LINGO2: variants seen among roughly 807,000 people sequenced by gnomAD.
LINGO2 encodes the protein leucine-rich repeat and immunoglobulin-like domain-containing nogo receptor-interacting protein 2.
In LINGO2, 14 loss-of-function variants were observed where a neutral mutation model predicts 30.6. That is an observed-to-expected ratio of 0.46 (90% confidence interval 0.30 to 0.72). The LOEUF is 0.72. Ranked by LOEUF, LINGO2 falls within the 30% of genes least tolerant of loss-of-function variation. The probability of loss-of-function intolerance (pLI) is 0.07; values close to 1 mark genes in which losing one functional copy is unlikely to be tolerated. For synonymous variants in LINGO2, 317 were observed against 288.5 expected, an observed-to-expected ratio of 1.10 and a Z score of -1.00; for missense variants, 729 against 751.7, an observed-to-expected ratio of 0.97 and a Z score of 0.35.
At chr9:29,158,547 CTCTCAA>C in the LINGO2 span, among the ~76,000 whole-genome samples, 1 of 149,266 alleles carries the variant, frequency 6.7e-6, no homozygotes, top group East Asian at 2.0e-4. Flanking sequence ...TTCTCCAAAG[CTCTCAA>C]GTCAATTTTC....
chr9:28,047,277 CCCT>C (rs1824467281), intron 4 of LINGO2, among the ~76,000 whole-genome samples: 1 of 152,186 alleles, frequency 6.6e-6, no homozygotes, highest in East Asian at 1.9e-4. Context: ...TCGGAGCTTG[CCCT>C]CCTTTTATGG....
At chr9:28,221,023 GA>G (rs1820938773) in intron 4 of LINGO2, among the ~76,000 whole-genome samples, 1 of 152,172 alleles carries the variant, frequency 6.6e-6, no homozygotes, top group Non-Finnish European at 1.5e-5. Context: ...AGATAGGCCG[GA>G]TGCGGTGGCT....
the LINGO2 span, among the ~76,000 whole-genome samples, chr9:28,830,266 A>G: frequency 3.9e-5 from 6 of 152,154 alleles, no homozygotes; most frequent in African/African-American, 1.4e-4. Flanking sequence ...GAGTCATGAA[A>G]GTTCATTCCG....
chr9:28,559,399 T>C (rs1822920143), intron 1 of LINGO2, among the ~76,000 whole-genome samples: 1 of 152,126 alleles, frequency 6.6e-6, no homozygotes, highest in African/African-American at 2.4e-5. Context: ...CAATGCATTT[T>C]GTTTTGTCTC....
chr9:29,032,689 G>A, the LINGO2 span, among the ~76,000 whole-genome samples: 1 of 152,050 alleles, frequency 6.6e-6, no homozygotes, highest in East Asian at 1.9e-4. Flanking sequence ...GCCAAAGCCT[G>A]TAGACCAAAA....
chr9:28,499,825 G>C (rs1448252457), intron 1 of LINGO2, among the ~76,000 whole-genome samples: 1 of 152,092 alleles, frequency 6.6e-6, no homozygotes, highest in Non-Finnish European at 1.5e-5. Context: ...ATTTCTCACA[G>C]GAAGCCTTTC....
At chr9:28,666,066 A>T (rs1828789085) in intron 1 of LINGO2, among the ~76,000 whole-genome samples, 1 of 151,742 alleles carries the variant, frequency 6.6e-6, no homozygotes. Flanking sequence ...TAATTTTTGT[A>T]TTTTTAGTAG....
At chr9:28,665,902 T>C (rs1828781232) in intron 1 of LINGO2, among the ~76,000 whole-genome samples, 1 of 151,514 alleles carries the variant, frequency 6.6e-6, no homozygotes. Flanking sequence ...TTTTTTTTTT[T>C]TTTTTTTGAG....
At chr9:28,222,883 G>GA (rs1301129969) in intron 4 of LINGO2, among the ~76,000 whole-genome samples, 6 of 152,186 alleles carry the variant, frequency 3.9e-5, no homozygotes, top group African/African-American at 1.4e-4. Flanking sequence ...ATTCACTGGG[G>GA]AGAGATAAGC....
intron 5 of LINGO2, among the ~76,000 whole-genome samples, chr9:27,977,789 AG>A (rs201325867): frequency 3.3e-4 from 50 of 151,336 alleles, no homozygotes; most frequent in South Asian, 8.3e-4. Flanking sequence ...CCCAGGGGAA[AG>A]AAAAAAAAAA....
At chr9:28,354,182 G>C (rs10491896) in intron 3 of LINGO2, among the ~76,000 whole-genome samples, 6 of 152,046 alleles carry the variant, frequency 3.9e-5, no homozygotes, top group African/African-American at 1.4e-4. Flanking sequence ...CGTCATATGA[G>C]TTCTGATTAA....
At position 28,138,265 on chromosome 9, in the gene LINGO2, A is replaced by C. The variant is rs146810516; in HGVS notation, c.-86-125860T>G. The stretch of plus-strand genomic sequence containing the variant: ...CAATTTACCTAAAACACTGTTCAGT[A>C]ATTCTCTCTGGACTCTGATTTTTTT... On this transcript the variant is annotated intron_variant, in intron 4 of 5. Coordinates refer to ENST00000379992, the Ensembl canonical transcript of LINGO2. 8.2e-4 allele frequency among the ~76,000 whole-genome samples: 125 copies of C among 152,314 alleles called. 1 individual carries two copies. The highest frequency in any genetic ancestry group is 3.0e-3 in the African/African-American group (124 of 41,574).
the LINGO2 span, among the ~76,000 whole-genome samples, chr9:28,716,850 A>G: frequency 2.8e-3 from 428 of 152,222 alleles, 2 homozygotes; most frequent in African/African-American, 9.7e-3. Context: ...TATAATTTTA[A>G]GCCAGCTATC....
At chr9:28,757,349 C>A in the LINGO2 span, among the ~76,000 whole-genome samples, 1 of 151,842 alleles carries the variant, frequency 6.6e-6, no homozygotes. Context: ...CTTTTTGAAC[C>A]CCTACAATTA....
At chr9:29,098,416 G>A in the LINGO2 span, among the ~76,000 whole-genome samples, 1 of 151,986 alleles carries the variant, frequency 6.6e-6, no homozygotes, top group African/African-American at 2.4e-5. Flanking sequence ...TTCAAGTAGT[G>A]AAATCTCAGC....
intron 5 of LINGO2, among the ~76,000 whole-genome samples, chr9:27,972,611 T>G (rs1820409928): frequency 6.6e-6 from 1 of 152,180 alleles, no homozygotes. Flanking sequence ...CTATTTACTG[T>G]AAGACCAATT....
the LINGO2 span, among the ~76,000 whole-genome samples, chr9:28,840,027 A>C: frequency 6.7e-6 from 1 of 149,452 alleles, no homozygotes; most frequent in Non-Finnish European, 1.5e-5. Flanking sequence ...ACTGGGTTGC[A>C]ATAGCCCCCG....
At chr9:28,565,039 A>G (rs1180312865) in intron 1 of LINGO2, among the ~76,000 whole-genome samples, 1 of 152,028 alleles carries the variant, frequency 6.6e-6, no homozygotes, top group Non-Finnish European at 1.5e-5. Context: ...CTGAAATTCC[A>G]TCACCCTTCA....
At position 28,077,565 on chromosome 9, in the gene LINGO2, T is replaced by TGGAAA. The variant is rs1563961000; in HGVS notation, c.-86-65161_-86-65160insTTTCC. 1.9e-3 allele frequency among the ~76,000 whole-genome samples: 282 copies of TGGAAA among 149,986 alleles called. 12 individuals are homozygous for TGGAAA. Among genetic ancestry groups the TGGAAA allele is most frequent in the African/African-American group, 6.6e-3 (258 of 39,328 alleles). On this transcript the variant is annotated intron_variant, in intron 4 of 5. Coordinates refer to ENST00000379992, the Ensembl canonical transcript of LINGO2. The stretch of plus-strand genomic sequence containing the variant: ...CCTATTTAAGTAAATGCATCAAAAC[T>TGGAAA]ATTATCTTATTTTTTTCATAGAGAT...
Sources: allele counts gnomAD v4.1 joint callset (sites outside exome capture counted in the v4.1 genomes callset), GRCh38; gene constraint gnomAD v4.1.1; transcripts MANE v1.5; gene names NCBI Gene and HGNC (gene_info 2026-07-23, HGNC 2026-07-21).